MICU1: variants seen among roughly 807,000 people sequenced by gnomAD.
MICU1 encodes mitochondrial calcium uptake 1.
In MICU1, 45 loss-of-function variants were observed where a neutral mutation model predicts 56.8. The ratio of observed to expected loss-of-function variants is 0.79; its 90% CI spans 0.62 to 1.02. The LOEUF (loss-of-function observed/expected upper bound fraction) is 1.02. MICU1 is among the 50% of genes least tolerant of loss of function. MICU1 has a pLI of 0.00. For missense variants in MICU1, 504 were observed against 587.1 expected (o/e 0.86, Z 1.46); for synonymous variants, 186 against 195.1 (o/e 0.95, Z 0.39).
intron 8 of MICU1, among the ~76,000 whole-genome samples, chr10:72,472,110 T>C (rs954575399): frequency 6.6e-6 from 1 of 152,210 alleles, no homozygotes; most frequent in African/African-American, 2.4e-5. Flanking sequence ...ACTTAAATGC[T>C]ATTGGACATA....
At chr10:72,431,326 C>T (rs758803021) in intron 8 of MICU1, among the ~76,000 whole-genome samples, 21 of 152,042 alleles carry the variant, frequency 1.4e-4, no homozygotes, top group Non-Finnish European at 1.5e-4. Flanking sequence ...GACAGGGTTT[C>T]GCCATCTTGC....
At chr10:72,578,241 T>G (rs1840801273) in intron 1 of MICU1, among the ~76,000 whole-genome samples, 1 of 152,004 alleles carries the variant, frequency 6.6e-6, no homozygotes, top group Admixed American at 6.6e-5. Context: ...CTCAGATGAT[T>G]GTTACCATTT....
At chr10:72,587,716 G>A (rs1160881988) in intron 1 of MICU1, among the ~76,000 whole-genome samples, 1 of 151,958 alleles carries the variant, frequency 6.6e-6, no homozygotes, top group Admixed American at 6.6e-5. Flanking sequence ...CCTGGGAGGC[G>A]GAGGTTGCAG....
chr10:72,450,726 CTT>C (rs34091247), intron 8 of MICU1, among the ~76,000 whole-genome samples: 129 of 128,738 alleles, frequency 1.0e-3, no homozygotes, highest in Non-Finnish European at 1.3e-3. Flanking sequence ...TTTTTTAATT[CTT>C]TTTTTTTTTT....
In MICU1 at chr10:72,582,087, G is replaced by A. The variant is rs147726043; in HGVS notation, c.-1-15293C>T. Among the ~76,000 whole-genome samples, 1,220 of 152,188 alleles carry A rather than the reference G, an allele frequency of 8.0e-3. 8 individuals carry two copies. The highest frequency in any genetic ancestry group is 0.013 in the Non-Finnish European group (894 of 68,000). On this transcript the variant is annotated intron_variant, in intron 1 of 11. Coordinates refer to ENST00000361114, the MANE Select transcript of MICU1 (RefSeq NM_001195518.2). ...TGGGATTACAGGCATGTGCCACCACGCCTGGGTAATTTTGTACTTTCAGTA... is the reference window on the plus strand; with the variant it reads ...TGGGATTACAGGCATGTGCCACCACACCTGGGTAATTTTGTACTTTCAGTA...
chr10:72,586,932 C>G (rs116170037), intron 1 of MICU1, among the ~76,000 whole-genome samples: 1 of 152,042 alleles, frequency 6.6e-6, no homozygotes, highest in Non-Finnish European at 1.5e-5. Flanking sequence ...GTGTGAAAAC[C>G]GCATCCCTAG....
intron 1 of MICU1, among the ~76,000 whole-genome samples, chr10:72,585,353 T>C (rs930528399): frequency 3.3e-5 from 5 of 152,190 alleles, no homozygotes; most frequent in African/African-American, 9.6e-5. Context: ...TCACTTTGTA[T>C]ACCTTGTAGC....
intron 8 of MICU1, among the ~76,000 whole-genome samples, chr10:72,472,314 A>G (rs1458776622): frequency 6.6e-6 from 1 of 152,164 alleles, no homozygotes; most frequent in Non-Finnish European, 1.5e-5. Flanking sequence ...ATTTATGACT[A>G]ATTTTCTGGT....
Position 72,515,576 on chromosome 10 carries a change from T to C in MICU1, c.538-7307A>G, listed in dbSNP as rs185087405. Among the ~76,000 whole-genome samples the C allele has an allele frequency of 1.1e-3, 171 of 152,304 alleles. 1 individual carries two copies. The highest frequency in any genetic ancestry group is 3.9e-3 in the African/African-American group (164 of 41,582). ...CAATTTGGTCTTATCCCTCACACACTTGTTACTACCTTCTCCAAAAATGAG... is the reference window on the plus strand; with the variant it reads ...CAATTTGGTCTTATCCCTCACACACCTGTTACTACCTTCTCCAAAAATGAG... On this transcript the variant is annotated intron_variant, in intron 5 of 11. Coordinates refer to ENST00000361114, the MANE Select transcript of MICU1 (RefSeq NM_001195518.2).
At chr10:72,459,744 C>T (rs1324518180) in intron 8 of MICU1, among the ~76,000 whole-genome samples, 1 of 152,206 alleles carries the variant, frequency 6.6e-6, no homozygotes, top group Admixed American at 6.5e-5. Context: ...ACCCACATCA[C>T]TGATTGCCAA....
chr10:72,370,459 C>T (rs556575443), intron 11 of MICU1, among the ~76,000 whole-genome samples: 2 of 152,200 alleles, frequency 1.3e-5, no homozygotes, highest in East Asian at 3.9e-4. Flanking sequence ...TGGGCATCCT[C>T]AGAGACAGGA....
chr10:72,420,050 G>GT (rs1864104566), intron 9 of MICU1, among the ~76,000 whole-genome samples: 1 of 152,014 alleles, frequency 6.6e-6, no homozygotes, highest in Non-Finnish European at 1.5e-5. Flanking sequence ...CTGCCACAAC[G>GT]TAAGACGTGT....
chr10:72,541,185 T>G (rs1839766433), intron 4 of MICU1, among the ~76,000 whole-genome samples: 1 of 152,244 alleles, frequency 6.6e-6, no homozygotes, highest in Non-Finnish European at 1.5e-5. Flanking sequence ...GAATTTAGAC[T>G]ATAGTTTAAC....
intron 9 of MICU1, among the ~76,000 whole-genome samples, chr10:72,410,553 A>G (rs1863775847): frequency 6.6e-6 from 1 of 152,220 alleles, no homozygotes; most frequent in Admixed American, 6.5e-5. Flanking sequence ...TGGGAGGCAG[A>G]GGTTGCAGTG....
At chr10:72,534,274 G>C (rs1044188126) in intron 4 of MICU1, among the ~76,000 whole-genome samples, 1 of 150,092 alleles carries the variant, frequency 6.7e-6, no homozygotes, top group African/African-American at 2.5e-5. Context: ...TTTAAAATTA[G>C]GTTAAATTTA....
At chr10:72,552,853 C>T (rs1041931706) in intron 3 of MICU1, among the ~76,000 whole-genome samples, 1 of 152,126 alleles carries the variant, frequency 6.6e-6, no homozygotes, top group Non-Finnish European at 1.5e-5. Context: ...CACGCCCAGC[C>T]TTTATTGATA....
intron 3 of MICU1, among the ~76,000 whole-genome samples, chr10:72,553,018 C>A (rs2132448006): frequency 6.6e-6 from 1 of 152,238 alleles, no homozygotes; most frequent in East Asian, 1.9e-4. Flanking sequence ...AATTTGTGAC[C>A]ACATATGACA....
intron 9 of MICU1, among the ~76,000 whole-genome samples, chr10:72,416,252 T>C (rs892037963): frequency 6.6e-6 from 1 of 152,156 alleles, no homozygotes; most frequent in Non-Finnish European, 1.5e-5. Context: ...CCTATAGTAA[T>C]TCATAGCTTA....
chr10:72,463,055 A>C (rs1045678074), intron 8 of MICU1, among the ~76,000 whole-genome samples: 2 of 151,804 alleles, frequency 1.3e-5, no homozygotes, highest in Admixed American at 6.6e-5. Context: ...ATCAATCTCT[A>C]TGAGTCTTCT....
Sources: gnomAD v4.1 joint callset for allele counts (sites outside exome capture counted in the v4.1 genomes callset) on GRCh38, gnomAD v4.1.1 for gene constraint, MANE v1.5 for transcripts, NCBI Gene and HGNC (gene_info 2026-07-23, HGNC 2026-07-21) for gene names.